The following E2F5 variants were observed in gnomAD, a reference collection of about 807,000 sequenced individuals.
E2F5 encodes the protein transcription factor E2F5.
A neutral mutation model predicts 39.1 loss-of-function variants in E2F5; 23 were observed. That is an observed-to-expected ratio of 0.59 (90% CI 0.42 to 0.83). The LOEUF is 0.83. E2F5 is among the 40% of genes least tolerant of loss of function. The pLI is 0.00. For synonymous variants in E2F5, 145 were observed against 157.8 expected (o/e 0.92, Z 0.61); for missense variants, 365 against 406.7 (o/e 0.90, Z 0.88).
intron 1 of E2F5, among the ~76,000 whole-genome samples, chr8:85,200,636 C>T (rs1201723758): frequency 6.6e-6 from 1 of 152,150 alleles, no homozygotes; most frequent in Non-Finnish European, 1.5e-5. Flanking sequence ...TTGGAGTTCT[C>T]TGAGTTACTT....
intron 1 of E2F5, among the ~76,000 whole-genome samples, chr8:85,188,083 C>G (rs1812379906): frequency 1.3e-5 from 2 of 152,254 alleles, no homozygotes; most frequent in South Asian, 4.1e-4. Flanking sequence ...CAGTCCCCTC[C>G]TCACATTTTG....
chr8:85,210,086 A>G (rs1812883934), intron 6 of E2F5, among the ~76,000 whole-genome samples: 1 of 152,248 alleles, frequency 6.6e-6, no homozygotes, highest in Admixed American at 6.5e-5. Flanking sequence ...TACTGATTCC[A>G]AATAAAGGGA....
At chr8:85,206,389 G>A (rs773537723) in intron 4 of E2F5, among the ~76,000 whole-genome samples, 169 bp downstream of exon 4, 12 of 152,262 alleles carry the variant, frequency 7.9e-5, no homozygotes, top group Middle Eastern at 3.4e-3. Context: ...CTGTTTTCAT[G>A]AGAATAGCTG....
rs138711825 is a variant in E2F5, at chr8:85,211,884, C to T, written c.884-273C>T. On this transcript the variant is annotated intron_variant, in intron 6 of 7. Transcript: ENST00000416274. ...GAACTCCTGAGCTCAAGCAATCCGT[C>T]CACCTCACTCAGCCTCCCAAAGTGC... is the stretch of plus-strand genomic sequence containing the variant. Among the ~76,000 whole-genome samples the T allele has an allele frequency of 1.7e-3, 252 of 152,000 alleles. 1 individual carries two copies. Among genetic ancestry groups the T allele is most frequent in the Middle Eastern group, 6.8e-3 (2 of 294 alleles).
chr8:85,186,870 G>T (rs1206811322), intron 1 of E2F5, among the ~76,000 whole-genome samples: 3 of 147,348 alleles, frequency 2.0e-5, no homozygotes, highest in African/African-American at 5.0e-5. Flanking sequence ...TATATATAAG[G>T]TGTATATATA....
chr8:85,189,089 T>C (rs1165476059), intron 1 of E2F5, among the ~76,000 whole-genome samples: 1 of 152,214 alleles, frequency 6.6e-6, no homozygotes, highest in Non-Finnish European at 1.5e-5. Flanking sequence ...ATTGTTTTAA[T>C]TTCACCAGTA....
intron 5 of E2F5, among the ~76,000 whole-genome samples, chr8:85,207,947 T>C (rs1029386605): frequency 6.6e-6 from 1 of 152,244 alleles, no homozygotes; most frequent in Admixed American, 6.5e-5. Context: ...ACATTTTGAT[T>C]AAATTATTTT....
intron 2 of E2F5, 28 bp from the exon 3 acceptor site, chr8:85,203,066 A>T: frequency 7.1e-7 from 1 of 1,414,880 alleles, no homozygotes; most frequent in Non-Finnish European, 9.3e-7. Context: ...TCTGATACTG[A>T]GGATATTAAT....
intron 7 of E2F5, 100 bp downstream of exon 7, chr8:85,212,304 C>T: frequency 2.3e-6 from 2 of 858,698 alleles, no homozygotes; most frequent in Non-Finnish European, 3.7e-6. Flanking sequence ...TATTTGCTAC[C>T]TGCTTTACTA....
intron 1 of E2F5, among the ~76,000 whole-genome samples, chr8:85,193,309 C>T (rs1189138855): frequency 6.6e-6 from 1 of 151,988 alleles, no homozygotes; most frequent in African/African-American, 2.4e-5. Flanking sequence ...CATGGTGAAA[C>T]CCCATCTCTA....
chr8:85,179,511 A>G (rs1812153622), intron 1 of E2F5, among the ~76,000 whole-genome samples: 1 of 152,208 alleles, frequency 6.6e-6, no homozygotes, highest in Non-Finnish European at 1.5e-5. Flanking sequence ...GGTTTCTACA[A>G]TAACACTGTC....
chr8:85,196,936 A>C (rs1812594445), intron 1 of E2F5, among the ~76,000 whole-genome samples: 1 of 152,226 alleles, frequency 6.6e-6, no homozygotes, highest in Non-Finnish European at 1.5e-5. Flanking sequence ...ATAGATCAAC[A>C]TAAAGTACCA....
chr8:85,180,497 T>A (rs1304133091), intron 1 of E2F5, among the ~76,000 whole-genome samples: 1 of 131,354 alleles, frequency 7.6e-6, no homozygotes, highest in East Asian at 2.7e-4. Flanking sequence ...TTAAACGCAG[T>A]TAAAGAAACT....
intron 1 of E2F5, 67 bp from the exon 2 acceptor site, chr8:85,202,080 A>C: frequency 1.5e-6 from 2 of 1,298,784 alleles, no homozygotes; most frequent in Non-Finnish European, 2.2e-6. Context: ...TTTAATAATC[A>C]ACCCTTTTTG....
rs749038628 is a variant in E2F5, at chr8:85,214,017, T to C, written c.*155T>C. ...TAATACTTTCTTTACTTCACAAAACTTCAACCATAAAAACAAAGGGCTCTG... is the reference window on the plus strand; with the variant it reads ...TAATACTTTCTTTACTTCACAAAACCTCAACCATAAAAACAAAGGGCTCTG... On this transcript the variant is annotated 3_prime_UTR_variant, in exon 8 of 8. Transcript: ENST00000416274. The C allele has an allele frequency of 3.3e-6, 2 of 605,348 alleles. No individual in the cohort carries two copies. The highest frequency in any genetic ancestry group is 5.8e-6 in the Non-Finnish European group (2 of 345,824). The allele number at this position is 605,348 out of a possible 1,614,324, so 37.5% of individuals were successfully genotyped here. A position where few individuals can be genotyped will look rare whatever the true frequency, so the allele number is the denominator to read the frequency against.
chr8:85,213,549 A>C, intron 7 of E2F5: 1 of 268,798 alleles, frequency 3.7e-6, no homozygotes, highest in Non-Finnish European at 7.0e-6. Context: ...TCTTAAAAAA[A>C]AAAAAAAAAA....
intron 1 of E2F5, among the ~76,000 whole-genome samples, chr8:85,178,449 G>T (rs376404345): frequency 5.9e-5 from 9 of 152,318 alleles, no homozygotes; most frequent in East Asian, 1.9e-4. Context: ...GGCATCAAAA[G>T]CTGTTCTGTC....
At chr8:85,202,990 T>C in intron 2 of E2F5, 104 bp from the exon 3 acceptor site, 1 of 856,018 alleles carries the variant, frequency 1.2e-6, no homozygotes, top group Non-Finnish European at 1.6e-6. Flanking sequence ...TAAAGACTTC[T>C]GTCTTGAATA....
chr8:85,208,440 CAT>C, intron 5 of E2F5, among the ~76,000 whole-genome samples: 1 of 152,286 alleles, frequency 6.6e-6, no homozygotes, highest in Non-Finnish European at 1.5e-5. Context: ...TTTTATAAAA[CAT>C]TGTCTGGCTT....
Sources: allele counts gnomAD v4.1 joint callset (sites outside exome capture counted in the v4.1 genomes callset), GRCh38; gene constraint gnomAD v4.1.1; transcripts MANE v1.5; gene names NCBI Gene and HGNC (gene_info 2026-07-23, HGNC 2026-07-21).